Variants in CSAD observed in about 807,000 individuals in gnomAD.
CSAD encodes P-selectin cytoplasmic tail-associated protein.
In CSAD, 47 loss-of-function variants were observed where a neutral mutation model predicts 61.5. That is an observed-to-expected ratio of 0.76 (90% confidence interval 0.60 to 0.97). The LOEUF (loss-of-function observed/expected upper bound fraction) is 0.97, where lower values mean the gene tolerates loss of function less well. Among genes scored for constraint, CSAD ranks in the 50% least tolerant of loss-of-function variants. The pLI, the probability that CSAD is intolerant of heterozygous loss-of-function variation, is 0.00. For missense variants in CSAD, 611 were observed against 643.6 expected (o/e 0.95, Z 0.55); for synonymous variants, 245 against 252.7 (o/e 0.97, Z 0.29).
intron 2 of CSAD, 24 bp downstream of exon 2, chr12:53,179,078 C>G (rs1189835211): frequency 1.3e-5 from 2 of 152,332 alleles, no homozygotes; most frequent in Admixed American, 1.3e-4. Flanking sequence ...GTCTGGAACT[C>G]CCGACCTCAG....
intron 7 of CSAD, 65 bp downstream of exon 7, chr12:53,171,817 G>A: frequency 3.7e-6 from 4 of 1,079,558 alleles, no homozygotes; most frequent in South Asian, 1.3e-5. Flanking sequence ...ACTAGAGCAA[G>A]AGAACGGTGG....
chr12:53,157,668 T>C lies in CSAD; in HGVS notation c.*843A>G, dbSNP rs956188381. The C allele has an allele frequency of 1.3e-5, 2 of 152,232 alleles. No homozygotes were observed. Among genetic ancestry groups the C allele is most frequent in the Non-Finnish European group, 1.5e-5 (1 of 68,054 alleles). 9.4% of individuals were successfully genotyped at this position (152,232 alleles called of 1,614,324 possible). A position where few individuals can be genotyped will look rare whatever the true frequency, so the allele number is the denominator to read the frequency against. On this transcript the variant is annotated 3_prime_UTR_variant, in exon 17 of 17. Transcript: ENST00000444623. ...TTAAAAACATACCAAAAGAATGCAGTTGAAATTTTAACTTTATTATTTTCC... is the reference window on the plus strand; with the variant it reads ...TTAAAAACATACCAAAAGAATGCAGCTGAAATTTTAACTTTATTATTTTCC...
chr12:53,170,644 G>A (rs990737914), intron 8 of CSAD, 142 bp from the exon 9 acceptor site: 1 of 678,884 alleles, frequency 1.5e-6, no homozygotes, highest in Admixed American at 2.2e-5. Context: ...TCGCCTGGGT[G>A]TCTGGTTAAA....
rs574303184 is a variant in CSAD at position 53,171,296 on chromosome 12, C to T, written c.567+30G>A. The T allele has an allele frequency of 2.0e-5, 33 of 1,613,576 alleles. No homozygotes were observed. In the African/African-American group the frequency reaches 3.7e-4, roughly 18 times the overall value. On this transcript the variant is annotated intron_variant, in intron 8 of 16. Coordinates refer to ENST00000444623, the MANE Select transcript of CSAD (RefSeq NM_001244705.2). ...GCTGGCTGGAGATTAGAATCAGGAG[C>T]CCAGGGTTGGGCCTGTGCCTCTTCC... is the stretch of plus-strand genomic sequence containing the variant.
chr12:53,165,480 G>A (rs1200319080), intron 10 of CSAD, among the ~76,000 whole-genome samples: 2 of 151,868 alleles, frequency 1.3e-5, no homozygotes, highest in African/African-American at 4.8e-5. Flanking sequence ...CTAACACGGT[G>A]AAACCCCGTC....
chr12:53,167,654 G>A (rs1940088692), intron 10 of CSAD, among the ~76,000 whole-genome samples: 1 of 152,118 alleles, frequency 6.6e-6, no homozygotes, highest in African/African-American at 2.4e-5. Context: ...AGTCATCAGG[G>A]AAAATCAAAT....
At chr12:53,166,085 A>G (rs774647735) in intron 10 of CSAD, 3 of 152,218 alleles carry the variant, frequency 2.0e-5, no homozygotes, top group Admixed American at 1.3e-4. Flanking sequence ...TAATCCTAGC[A>G]CTTTGGGAGG....
chr12:53,158,737 A>G, intron 16 of CSAD, 53 bp from the exon 17 acceptor site: 4 of 1,567,404 alleles, frequency 2.6e-6, no homozygotes, highest in Non-Finnish European at 3.5e-6. Context: ...GCTGACAGGT[A>G]GGCTGGCTTC....
At chr12:53,177,247 A>G (rs1020301972) in intron 2 of CSAD, among the ~76,000 whole-genome samples, 11 of 151,870 alleles carry the variant, frequency 7.2e-5, no homozygotes, top group Admixed American at 3.3e-4. Flanking sequence ...GAGCTCTCCT[A>G]AAATCTTAGT....
At position 53,180,748 on chromosome 12, in the gene CSAD, G is replaced by A. The variant is rs1941545775; in HGVS notation, c.-107C>T. ...TAAACTTGCCTCGGTCCCGGTGGGG[G>A]CAGCCGCGGCGGTGGGGTTGGCAGG... On this transcript the variant is annotated 5_prime_UTR_variant, in exon 1 of 17. Coordinates refer to ENST00000444623, the MANE Select transcript of CSAD (RefSeq NM_001244705.2). 7.9e-7 allele frequency: 1 copy of A among 1,266,314 alleles called. No individual in the cohort carries two copies. The highest frequency in any genetic ancestry group is 1.0e-6 in the Non-Finnish European group (1 of 977,940). The allele number at this position is 1,266,314 out of a possible 1,614,324, so 78.4% of individuals were successfully genotyped here.
In CSAD at chr12:53,177,623, CTATTTATT is replaced by C. The variant is rs71443288; in HGVS notation, c.-50+1471_-50+1478del. On this transcript the variant is annotated intron_variant, in intron 2 of 16. Transcript: ENST00000444623. The stretch of plus-strand genomic sequence containing the variant: ...AAGGCAACAAAGCGTGGAGACCCAT[CTATTTATT>C]TATTTATTTATTTATTTATTTTTTG... Among the ~76,000 whole-genome samples the C allele has an allele frequency of 3.4e-3, 522 of 151,612 alleles. 1 individual carries two copies. The highest frequency in any genetic ancestry group is 0.012 in the African/African-American group (484 of 41,356).
Position 53,158,642 on chromosome 12 carries a change from T to C in CSAD, c.1351A>G (p.Met451Val), listed in dbSNP as rs771282330. The change falls in exon 17 of 17, where the codon ATG (methionine) becomes GTG (valine). Residue 451 changes from methionine to valine, a missense_variant. Coordinates refer to ENST00000444623, the MANE Select transcript of CSAD (RefSeq NM_001244705.2). ...CCGTGGGGCTGGTAGCCAATCATCA[T>C]GGAGCCCTCCTTCACCATGCGCTCC... ...LKERMVKEGS[M>V]MIGYQPHGTR... 3 of 1,614,186 alleles carry C rather than the reference T, an allele frequency of 1.9e-6. No individual in the cohort carries two copies. The highest frequency in any genetic ancestry group is 2.5e-6 in the Non-Finnish European group (3 of 1,180,032).
chr12:53,173,867 T>C (rs1940884833), intron 2 of CSAD, 97 bp from the exon 3 acceptor site: 1 of 1,229,402 alleles, frequency 8.1e-7, no homozygotes, highest in South Asian at 1.3e-5. Flanking sequence ...GCAACCATCA[T>C]CACTATCTAA....
intron 10 of CSAD, among the ~76,000 whole-genome samples, 158 bp from the exon 11 acceptor site, chr12:53,161,547 C>T (rs1421586343): frequency 6.6e-6 from 1 of 151,850 alleles, no homozygotes; most frequent in Non-Finnish European, 1.5e-5. Flanking sequence ...CAGCCAGGGA[C>T]ACTGAGATTC....
At chr12:53,173,574 C>T in intron 3 of CSAD, 98 bp from the exon 4 acceptor site, 13 of 1,599,338 alleles carry the variant, frequency 8.1e-6, no homozygotes, top group Non-Finnish European at 1.1e-5. Context: ...AGGCCCAAAC[C>T]CTGCAGCTCA....
At chr12:53,171,825 T>C (rs1565669117) in intron 7 of CSAD, 57 bp downstream of exon 7, 1 of 1,122,144 alleles carries the variant, frequency 8.9e-7, no homozygotes. Context: ...AAGAGAACGG[T>C]GGGGGAGGAG....
At chr12:53,160,898 C>G (rs1229672000) in intron 12 of CSAD, 54 bp from the exon 13 acceptor site, 3 of 1,478,370 alleles carry the variant, frequency 2.0e-6, no homozygotes, top group Non-Finnish European at 2.8e-6. Flanking sequence ...GCTGCCCAAC[C>G]AGAGCCCTTC....
intron 10 of CSAD, among the ~76,000 whole-genome samples, chr12:53,163,319 C>A (rs1939529921): frequency 6.6e-6 from 1 of 152,112 alleles, no homozygotes; most frequent in Non-Finnish European, 1.5e-5. Flanking sequence ...CTGCAGTGAG[C>A]CCTGATCGTG....
chr12:53,179,776 C>T (rs550009517), intron 1 of CSAD: 3 of 1,611,330 alleles, frequency 1.9e-6, no homozygotes, highest in Non-Finnish European at 2.5e-6. Context: ...ATATCACCTA[C>T]AGCAGAAATG....
Sources: allele counts gnomAD v4.1 joint callset (sites outside exome capture counted in the v4.1 genomes callset), GRCh38; gene constraint gnomAD v4.1.1; transcripts MANE v1.5; gene names NCBI Gene and HGNC (gene_info 2026-07-23, HGNC 2026-07-21).